SOX5: variants seen among roughly 807,000 people sequenced by gnomAD.
SOX5 encodes SRY-box transcription factor 5.
Under a neutral mutation model 92.0 loss-of-function variants are expected in SOX5, and 9 were observed. That is an observed-to-expected ratio of 0.10 (90% CI 0.06 to 0.17). SOX5 has a LOEUF of 0.17. Ranked by LOEUF, SOX5 falls within the 10% of genes least tolerant of loss-of-function variation. The pLI, the probability that SOX5 is intolerant of heterozygous loss-of-function variation, is 1.00. For missense variants in SOX5, 642 were observed against 944.5 expected (o/e 0.68, Z 4.20); for synonymous variants, 344 against 336.3 (o/e 1.02, Z -0.25).
chr12:24,213,678 T>C (rs961187649), intron 3 of SOX5, among the ~76,000 whole-genome samples: 2 of 151,854 alleles, frequency 1.3e-5, no homozygotes, highest in Non-Finnish European at 2.9e-5. Context: ...TAGTGGCTAA[T>C]GAATGAAAAA....
At chr12:24,226,087 T>C (rs1360435269) in intron 3 of SOX5, among the ~76,000 whole-genome samples, 4 of 152,220 alleles carry the variant, frequency 2.6e-5, no homozygotes, top group East Asian at 1.9e-4. Flanking sequence ...ATGATTACCA[T>C]TGGGCTTTCC....
chr12:24,302,699 T>C (rs1565864086), intron 2 of SOX5, among the ~76,000 whole-genome samples: 1 of 151,962 alleles, frequency 6.6e-6, no homozygotes, highest in East Asian at 1.9e-4. Context: ...CAGCAAATGA[T>C]AGAGAAAAAT....
intron 4 of SOX5, among the ~76,000 whole-genome samples, chr12:24,131,200 G>T (rs1235037039): frequency 1.3e-5 from 2 of 152,178 alleles, no homozygotes; most frequent in East Asian, 3.8e-4. Flanking sequence ...TAATCTTTGT[G>T]TTAAGATTAA....
At chr12:24,013,786 T>C (rs575376317) in intron 4 of SOX5, among the ~76,000 whole-genome samples, 94 of 152,342 alleles carry the variant, frequency 6.2e-4, no homozygotes, top group African/African-American at 2.1e-3. Flanking sequence ...TAGTAAATAT[T>C]AGAACAAATT....
chr12:23,543,464 A>G (rs898793638), intron 12 of SOX5, 80 bp from the exon 13 acceptor site: 5 of 1,072,108 alleles, frequency 4.7e-6, no homozygotes, highest in South Asian at 1.6e-5. Context: ...TTTTCAGTCT[A>G]TTAAGATATC....
chr12:24,155,203 C>T (rs896298995), intron 4 of SOX5, among the ~76,000 whole-genome samples: 1 of 151,986 alleles, frequency 6.6e-6, no homozygotes, highest in East Asian at 1.9e-4. Context: ...TTCATGCAAA[C>T]AAATTACACA....
At chr12:24,420,437 C>G (rs746525710) in intron 1 of SOX5, among the ~76,000 whole-genome samples, 1 of 152,058 alleles carries the variant, frequency 6.6e-6, no homozygotes, top group Non-Finnish European at 1.5e-5. Context: ...ACCATTTGAG[C>G]CTCAAAGGGT....
intron 11 of SOX5, among the ~76,000 whole-genome samples, chr12:23,551,262 A>G (rs144574827): frequency 6.6e-6 from 1 of 152,074 alleles, no homozygotes; most frequent in African/African-American, 2.4e-5. Flanking sequence ...ACAGACCACC[A>G]AAGAAGATGA....
intron 1 of SOX5, among the ~76,000 whole-genome samples, chr12:24,554,433 C>G (rs187212971): frequency 4.6e-5 from 7 of 152,166 alleles, no homozygotes; most frequent in African/African-American, 1.7e-4. Flanking sequence ...AACCCGTGCT[C>G]ACTCTTCAGG....
At chr12:23,777,581 ATACC>A (rs1210713539) in intron 3 of SOX5, among the ~76,000 whole-genome samples, 3 of 152,078 alleles carry the variant, frequency 2.0e-5, no homozygotes, top group African/African-American at 7.3e-5. Flanking sequence ...CACACAATAC[ATACC>A]TTTCTTTGCA....
intron 4 of SOX5, among the ~76,000 whole-genome samples, chr12:24,036,100 T>A (rs1227279555): frequency 6.6e-6 from 1 of 152,094 alleles, no homozygotes; most frequent in Non-Finnish European, 1.5e-5. Flanking sequence ...CTGAGATTCA[T>A]CTACATTTCA....
At chr12:23,653,382 T>C (rs988469839) in intron 7 of SOX5, among the ~76,000 whole-genome samples, 3 of 152,050 alleles carry the variant, frequency 2.0e-5, no homozygotes, top group Non-Finnish European at 2.9e-5. Context: ...TTAGGTTGAC[T>C]TGAGACCCCT....
At chr12:24,227,712 G>A (rs1962394846) in intron 3 of SOX5, 1 of 152,100 alleles carries the variant, frequency 6.6e-6, no homozygotes, top group Non-Finnish European at 1.5e-5. Flanking sequence ...CACATACAGG[G>A]CACTAATCGA....
intron 2 of SOX5, among the ~76,000 whole-genome samples, chr12:24,336,829 C>A (rs1951959376): frequency 6.6e-6 from 1 of 152,224 alleles, no homozygotes; most frequent in Admixed American, 6.5e-5. Flanking sequence ...ATACAATCCT[C>A]TTTATTAAAT....
chr12:24,509,022 C>A (rs1949060494), intron 1 of SOX5, among the ~76,000 whole-genome samples: 1 of 152,170 alleles, frequency 6.6e-6, no homozygotes, highest in Non-Finnish European at 1.5e-5. Flanking sequence ...TGATCTTAGC[C>A]TTTACACCAA....
intron 4 of SOX5, among the ~76,000 whole-genome samples, chr12:23,998,144 A>C (rs1951216742): frequency 1.3e-5 from 2 of 152,160 alleles, no homozygotes; most frequent in Non-Finnish European, 2.9e-5. Flanking sequence ...AAAAACTTCA[A>C]AATAGCTATG....
intron 3 of SOX5, among the ~76,000 whole-genome samples, chr12:23,805,305 G>C (rs76525957): frequency 0.17 from 25,612 of 151,380 alleles, 2,746 homozygotes; most frequent in East Asian, 0.51. Flanking sequence ...ATCTATAGTG[G>C]TATATGTTGA....
intron 4 of SOX5, among the ~76,000 whole-genome samples, chr12:23,966,203 CAAAAAAAAAAAAAAAAAAAAAAAA>C (rs869143890): frequency 2.1e-4 from 12 of 57,336 alleles, no homozygotes; most frequent in Non-Finnish European, 2.6e-4. Flanking sequence ...ACTCAATATC[CAAAAAAAAAAAAAAAAAAAAAAAA>C]AAAAAAAAAA....
At position 23,538,664 on chromosome 12, in the gene SOX5, A is replaced by G. The variant is rs369420336; in HGVS notation, c.1772-1995T>C. On this transcript the variant is annotated intron_variant, in intron 13 of 14. Transcript: ENST00000451604. ...ATACCAGTTTTTTGAACTTCAGATC[A>G]GGGAGTGGAAAGTGAGCTTACCATA... is the stretch of plus-strand genomic sequence containing the variant. Among the ~76,000 whole-genome samples, 37 of 152,288 alleles carry G rather than the reference A, an allele frequency of 2.4e-4. No homozygotes were observed. The East Asian group carries it at 6.4e-3, about 26-fold the overall frequency.
Sources: gnomAD v4.1 joint callset for allele counts (sites outside exome capture counted in the v4.1 genomes callset) on GRCh38, gnomAD v4.1.1 for gene constraint, MANE v1.5 for transcripts, NCBI Gene and HGNC (gene_info 2026-07-23, HGNC 2026-07-21) for gene names.